SAMD4A: variants seen among roughly 807,000 people sequenced by gnomAD.
SAMD4A encodes protein Smaug homolog 1.
A neutral mutation model predicts 81.3 loss-of-function variants in SAMD4A; 33 were observed. The ratio of observed to expected loss-of-function variants is 0.41; its 90% confidence interval spans 0.31 to 0.54. SAMD4A has a LOEUF of 0.54. Ranked by LOEUF, SAMD4A falls within the 20% of genes least tolerant of loss-of-function variation. The probability of loss-of-function intolerance (pLI) is 0.37; values close to 1 mark genes in which losing one functional copy is unlikely to be tolerated. For missense variants in SAMD4A, 854 were observed against 951.1 expected (o/e 0.90, Z 1.34); for synonymous variants, 389 against 382.1 (o/e 1.02, Z -0.21).
intron 2 of SAMD4A, among the ~76,000 whole-genome samples, chr14:54,585,618 A>G (rs965381059): frequency 6.6e-6 from 1 of 152,014 alleles, no homozygotes; most frequent in African/African-American, 2.4e-5. Flanking sequence ...CGAGTCCCCA[A>G]AGTCCATTAT....
At chr14:54,725,927 C>T (rs550834657) in intron 3 of SAMD4A, among the ~76,000 whole-genome samples, 9 of 152,296 alleles carry the variant, frequency 5.9e-5, no homozygotes, top group Admixed American at 1.3e-4. Flanking sequence ...GCAAGAGCTG[C>T]GTATGTAGTT....
rs74481222 is a variant in SAMD4A at position 54,665,316 on chromosome 14, T to C, written c.197-36746T>C. ...GGAATGCAGATCCCAAAGATAAGTATGCCGGAACATGAACTTTGTGAGAAA... is the reference window on the plus strand; with the variant it reads ...GGAATGCAGATCCCAAAGATAAGTACGCCGGAACATGAACTTTGTGAGAAA... On this transcript the variant is annotated intron_variant, in intron 2 of 12. Coordinates refer to ENST00000554335, the MANE Select transcript of SAMD4A (RefSeq NM_015589.6). Among the ~76,000 whole-genome samples, 239 of 152,362 alleles carry C rather than the reference T, an allele frequency of 1.6e-3. 2 individuals carry two copies. The highest frequency in any genetic ancestry group is 5.6e-3 in the African/African-American group (234 of 41,596).
chr14:54,642,255 T>A (rs1289084890), intron 2 of SAMD4A, among the ~76,000 whole-genome samples: 1 of 152,184 alleles, frequency 6.6e-6, no homozygotes, highest in Non-Finnish European at 1.5e-5. Context: ...AAGGTCATGA[T>A]AATGTGGAGG....
chr14:54,639,421 A>G (rs551920732), intron 2 of SAMD4A, among the ~76,000 whole-genome samples: 2 of 152,226 alleles, frequency 1.3e-5, no homozygotes, highest in South Asian at 4.2e-4. Flanking sequence ...GCTCTCATCT[A>G]ACCCAGAGTT....
At chr14:54,746,210 T>C (rs1032399303) in intron 4 of SAMD4A, among the ~76,000 whole-genome samples, 6 of 152,236 alleles carry the variant, frequency 3.9e-5, no homozygotes, top group Non-Finnish European at 7.3e-5. Context: ...GCTATGTTCT[T>C]AAGAACTGGG....
At chr14:54,567,010 C>T (rs2032959129), upstream of SAMD4A, 1 of 153,040 alleles carries the variant, frequency 6.5e-6, no homozygotes, top group Non-Finnish European at 1.5e-5. Context: ...GAGCTGCAGC[C>T]GCTCGGCTGC....
chr14:54,680,034 G>C (rs191356780), intron 2 of SAMD4A, among the ~76,000 whole-genome samples: 1 of 152,156 alleles, frequency 6.6e-6, no homozygotes, highest in African/African-American at 2.4e-5. Flanking sequence ...CAGTCCTACC[G>C]GGGCCACACT....
At chr14:54,736,925 G>A (rs1284435625) in intron 3 of SAMD4A, 99 bp from the exon 4 acceptor site, 7 of 1,359,028 alleles carry the variant, frequency 5.2e-6, no homozygotes, top group Non-Finnish European at 6.2e-6. Context: ...TTGTAAGACA[G>A]TTAGTGGTAT....
intron 2 of SAMD4A, among the ~76,000 whole-genome samples, chr14:54,580,708 C>T (rs2033438790): frequency 6.6e-6 from 1 of 151,588 alleles, no homozygotes; most frequent in Non-Finnish European, 1.5e-5. Flanking sequence ...TTGCTGGTGC[C>T]CTGCTGATAC....
intron 2 of SAMD4A, among the ~76,000 whole-genome samples, chr14:54,616,368 C>G (rs374236556): frequency 6.6e-5 from 10 of 152,310 alleles, no homozygotes; most frequent in South Asian, 4.1e-4. Flanking sequence ...ACAGACACAT[C>G]TGCAGAAAAG....
chr14:54,614,457 T>A (rs1334366205), intron 2 of SAMD4A, among the ~76,000 whole-genome samples: 8 of 152,184 alleles, frequency 5.3e-5, no homozygotes, highest in Non-Finnish European at 7.4e-5. Flanking sequence ...TTTGTTTGGA[T>A]ACTGGAAAAA....
intron 2 of SAMD4A, among the ~76,000 whole-genome samples, chr14:54,599,617 A>G (rs2034002494): frequency 6.6e-6 from 1 of 152,232 alleles, no homozygotes; most frequent in African/African-American, 2.4e-5. Context: ...GATCTTGGAC[A>G]GGTCAATTGA....
rs1051852191 is a variant in SAMD4A at position 54,606,212 on chromosome 14, T to TGTGTGTGTGC, written c.196+38101_196+38102insTGTGTGTGCG. On this transcript the variant is annotated intron_variant, in intron 2 of 12. Coordinates refer to ENST00000554335, the MANE Select transcript of SAMD4A (RefSeq NM_015589.6). ...GTGTGTGTGTGTGTGTGTGTGTGTGTGCGTGCACGTGCACGTGCACGTGTG... is the reference window on the plus strand; with the variant it reads ...GTGTGTGTGTGTGTGTGTGTGTGTGTGTGTGTGTGCGCGTGCACGTGCACGTGCACGTGTG... Among the ~76,000 whole-genome samples, 103 of 150,370 alleles carry TGTGTGTGTGC rather than the reference T, an allele frequency of 6.8e-4. No homozygotes were observed. In the Middle Eastern group the frequency reaches 0.01, roughly 15 times the overall value.
chr14:54,685,002 C>A (rs2036224100), intron 2 of SAMD4A, among the ~76,000 whole-genome samples: 1 of 152,222 alleles, frequency 6.6e-6, no homozygotes, highest in Admixed American at 6.5e-5. Flanking sequence ...ATCATACCAC[C>A]TAAAGATTGT....
At chr14:54,714,336 C>T (rs370327119) in intron 3 of SAMD4A, among the ~76,000 whole-genome samples, 45 of 152,282 alleles carry the variant, frequency 3.0e-4, no homozygotes, top group East Asian at 2.3e-3. Flanking sequence ...CTGAATTCAA[C>T]AGTAGATTTT....
intron 3 of SAMD4A, among the ~76,000 whole-genome samples, chr14:54,728,098 G>A (rs1411333340): frequency 3.9e-5 from 6 of 152,130 alleles, no homozygotes; most frequent in African/African-American, 7.2e-5. Flanking sequence ...CAGGAACCTC[G>A]AGCTTGCTGT....
intron 3 of SAMD4A, among the ~76,000 whole-genome samples, chr14:54,722,262 G>A (rs921920769): frequency 3.9e-5 from 6 of 152,092 alleles, no homozygotes; most frequent in African/African-American, 1.4e-4. Flanking sequence ...GAGAAGGATA[G>A]GTATTCAGAG....
At chr14:54,624,447 C>T (rs181282334) in intron 2 of SAMD4A, among the ~76,000 whole-genome samples, 136 of 152,336 alleles carry the variant, frequency 8.9e-4, no homozygotes, top group African/African-American at 3.1e-3. Context: ...AGCCAAGGAG[C>T]CCAAACAGTG....
At chr14:54,590,287 A>T (rs2033739501) in intron 2 of SAMD4A, among the ~76,000 whole-genome samples, 1 of 152,074 alleles carries the variant, frequency 6.6e-6, no homozygotes, top group Admixed American at 6.6e-5. Context: ...CCAGGAGTTC[A>T]AGACCAGCCT....
Sources: allele counts gnomAD v4.1 joint callset (sites outside exome capture counted in the v4.1 genomes callset), GRCh38; gene constraint gnomAD v4.1.1; transcripts MANE v1.5; gene names NCBI Gene and HGNC (gene_info 2026-07-23, HGNC 2026-07-21).